The following HPS3 variants were observed in gnomAD, a reference collection of about 807,000 sequenced individuals.
The protein encoded by HPS3 is HPS3 biogenesis of lysosomal organelles complex 2 subunit 1.
In HPS3, 79 loss-of-function variants were observed where a neutral mutation model predicts 110.9. That is an observed-to-expected ratio of 0.71 (90% CI 0.59 to 0.86). The LOEUF (loss-of-function observed/expected upper bound fraction) is 0.86, where lower values mean the gene tolerates loss of function less well. Among genes scored for constraint, HPS3 ranks in the 40% least tolerant of loss-of-function variants. HPS3 has a pLI of 0.00. For missense variants in HPS3, 1,197 were observed against 1,206.2 expected (o/e 0.99, Z 0.11); for synonymous variants, 428 against 451.0 (o/e 0.95, Z 0.65).
chr3:149,134,208 G>A (rs1293212596), intron 1 of HPS3, among the ~76,000 whole-genome samples: 2 of 152,052 alleles, frequency 1.3e-5, no homozygotes, highest in East Asian at 3.9e-4. Context: ...CCTTTCAGCA[G>A]GAATATTCCA....
At position 149,155,185 on chromosome 3, in the gene HPS3, G is replaced by C. The variant is rs34197730; in HGVS notation, c.1479G>C (p.Thr493=). 1 of 1,592,254 alleles carries C rather than the reference G, an allele frequency of 6.3e-7. No individual in the cohort carries two copies. Among genetic ancestry groups the C allele is most frequent in the Non-Finnish European group, 8.6e-7 (1 of 1,160,128 alleles). Residue 493 remains threonine (T), a synonymous_variant, in exon 8 of 17, where the codon ACG becomes ACC. Transcript: ENST00000296051. ...EAGWNLYIVN[T]ISPVQLYKEM... ...GGTGGAATTTGTATATTGTGAATAC[G>C]ATCTCACCAGTGCAGCTGTACAAAG...
At chr3:149,171,917 G>A (rs564541505) in intron 16 of HPS3, among the ~76,000 whole-genome samples, 178 bp from the exon 17 acceptor site, 2 of 152,118 alleles carry the variant, frequency 1.3e-5, no homozygotes, top group Admixed American at 6.5e-5. Flanking sequence ...ATGTTGGCCA[G>A]ACTGGTCTTG....
intron 16 of HPS3, among the ~76,000 whole-genome samples, chr3:149,170,008 T>G (rs954863751): frequency 1.3e-5 from 2 of 152,164 alleles, no homozygotes; most frequent in Admixed American, 1.3e-4. Context: ...TAACCTTCTC[T>G]TAGCCTCAAT....
rs1723999112 is a variant in HPS3 at position 149,162,719 on chromosome 3, T to A, written c.2322T>A (p.Ile774=). ...TTTGTGCTAAGGATGAAGATACAATTCCTCAGCTCTTGGTAGACTTTTGGG... is the reference window on the plus strand; with the variant it reads ...TTTGTGCTAAGGATGAAGATACAATACCTCAGCTCTTGGTAGACTTTTGGG... The part of the protein sequence containing the change: ...KVLCAKDEDT[I]PQLLVDFWEA... The change falls in exon 13 of 17, where the codon ATT becomes ATA. Residue 774 remains isoleucine, a synonymous_variant. Coordinates refer to ENST00000296051, the MANE Select transcript of HPS3 (RefSeq NM_032383.5). The A allele has an allele frequency of 6.2e-7, 1 of 1,614,050 alleles. No homozygotes were observed. Among genetic ancestry groups the A allele is most frequent in the African/African-American group, 1.3e-5 (1 of 75,034 alleles).
At chr3:149,164,358 T>C (rs985464877) in intron 14 of HPS3, among the ~76,000 whole-genome samples, 3 of 152,212 alleles carry the variant, frequency 2.0e-5, no homozygotes, top group South Asian at 2.1e-4. Context: ...ATTTCTCTTA[T>C]AGGAAACAGG....
rs752303581 is a variant in HPS3, at chr3:149,162,329, T to C, written c.2288T>C (p.Phe763Ser). 1 of 1,613,884 alleles carries C rather than the reference T, an allele frequency of 6.2e-7. No homozygotes were observed. The highest frequency in any genetic ancestry group is 8.5e-7 in the Non-Finnish European group (1 of 1,179,810). Residue 763 changes from phenylalanine (F) to serine (S), a missense_variant, in exon 12 of 17, where the codon TTT (phenylalanine) becomes TCT (serine). Transcript: ENST00000296051. ...GGAATTGAAGAAGCAGATTCCTTTT[T>C]TAAGGTTTGTCACTTTGAAAATGTG... ...KIGIEEADSF[F>S]KVLCAKDEDT...
At chr3:149,149,365 TC>T (rs1722971423) in intron 5 of HPS3, among the ~76,000 whole-genome samples, 2 of 152,134 alleles carry the variant, frequency 1.3e-5, no homozygotes, top group Admixed American at 1.3e-4. Context: ...CTTTTTTGCT[TC>T]CCTCTCTCTC....
intron 6 of HPS3, among the ~76,000 whole-genome samples, chr3:149,152,948 C>G (rs567857923): frequency 2.6e-4 from 40 of 152,334 alleles, no homozygotes; most frequent in African/African-American, 8.7e-4. Flanking sequence ...AGGCACTATT[C>G]GTACCTAACA....
chr3:149,169,961 T>C (rs1724812253), intron 16 of HPS3, among the ~76,000 whole-genome samples: 1 of 152,184 alleles, frequency 6.6e-6, no homozygotes, highest in African/African-American at 2.4e-5. Context: ...AACTTGTAGA[T>C]TTAGGTAGCT....
chr3:149,155,246 G>T (rs1331561409), intron 8 of HPS3, 31 bp downstream of exon 8: 2 of 1,163,932 alleles, frequency 1.7e-6, no homozygotes, highest in Non-Finnish European at 2.6e-6. Flanking sequence ...ATTCTTGTTT[G>T]TAGATATTTA....
intron 5 of HPS3, among the ~76,000 whole-genome samples, chr3:149,149,798 T>A (rs1406851470): frequency 6.6e-6 from 1 of 152,108 alleles, no homozygotes; most frequent in Admixed American, 6.5e-5. Flanking sequence ...CTAAGTTAAT[T>A]AACTGTTTTT....
chr3:149,173,647 C>T lies in HPS3; in HGVS notation c.*1425C>T. The T allele has an allele frequency of 9.6e-7, 1 of 1,036,802 alleles. No individual in the cohort carries two copies. Among genetic ancestry groups the T allele is most frequent in the South Asian group, 1.4e-5 (1 of 69,398 alleles). 64.2% of individuals were successfully genotyped at this position (1,036,802 alleles called of 1,614,324 possible). ...TTCCAAAGTAACATTCTATTTTACA[C>T]TTTCACATACATTGTTATGAATCAT... On this transcript the variant is annotated 3_prime_UTR_variant, in exon 17 of 17. Transcript: ENST00000296051.
chr3:149,161,972 ACAGT>A (rs1378531790), intron 11 of HPS3, among the ~76,000 whole-genome samples, 172 bp from the exon 12 acceptor site: 1 of 152,222 alleles, frequency 6.6e-6, no homozygotes, highest in Non-Finnish European at 1.5e-5. Context: ...CTTCTGTAAG[ACAGT>A]CAGTGGTGTC....
Position 149,157,529 on chromosome 3 carries a change from C to T in HPS3, c.1689C>T (p.Ser563=). 6.2e-7 allele frequency: 1 copy of T among 1,613,484 alleles called. No individual in the cohort carries two copies. Among genetic ancestry groups the T allele is most frequent in the Non-Finnish European group, 8.5e-7 (1 of 1,179,572 alleles). ...GTGGGCACCTTGGGGACTGTTACAGCAGGTGGGTGACACCTCTTGGAACCT... is the reference window on the plus strand; with the variant it reads ...GTGGGCACCTTGGGGACTGTTACAGTAGGTGGGTGACACCTCTTGGAACCT... ...ESCGHLGDCY[S]RLDSQHSHLT... Residue 563 remains serine, a splice_region_variant and synonymous_variant, in exon 9 of 17, where the codon AGC becomes AGT. Transcript: ENST00000296051.
chr3:149,140,255 G>A lies in HPS3; in HGVS notation c.469G>A (p.Val157Ile). Residue 157 changes from valine to isoleucine, a missense_variant, in exon 2 of 17, where the codon GTC becomes ATC. Val to Ile is a conservative substitution (Grantham distance 29). Coordinates refer to ENST00000296051, the MANE Select transcript of HPS3 (RefSeq NM_032383.5). ...DLLVGCTNKLVLFSLKYQIIN... is the reference protein window; with the variant it reads ...DLLVGCTNKLILFSLKYQIIN... ...TCTCGTTGGCTGCACAAATAAATTA[G>A]TCTTATTTAGTTTGAAGTACCAGAT... 5 of 1,614,110 alleles carry A rather than the reference G, an allele frequency of 3.1e-6. No homozygotes were observed. Among genetic ancestry groups the A allele is most frequent in the Non-Finnish European group, 4.2e-6 (5 of 1,180,018 alleles).
intron 6 of HPS3, among the ~76,000 whole-genome samples, chr3:149,153,271 G>A (rs773647891): frequency 1.3e-5 from 2 of 152,164 alleles, no homozygotes; most frequent in Non-Finnish European, 2.9e-5. Context: ...TGTTGGCTGA[G>A]TAGCTCTATG....
At chr3:149,155,618 C>T (rs1382033834) in intron 8 of HPS3, among the ~76,000 whole-genome samples, 1 of 152,162 alleles carries the variant, frequency 6.6e-6, no homozygotes, top group Non-Finnish European at 1.5e-5. Flanking sequence ...TGTCCCAGGG[C>T]ACCACAGCTA....
Position 149,155,103 on chromosome 3 carries a change from T to C in HPS3, c.1401-4T>C, listed in dbSNP as rs998545854. The C allele has an allele frequency of 6.5e-7, 1 of 1,533,256 alleles. No individual in the cohort carries two copies. Among genetic ancestry groups the C allele is most frequent in the Admixed American group, 1.7e-5 (1 of 59,930 alleles). The allele number at this position is 1,533,256 out of a possible 1,614,324, so 95.0% of individuals were successfully genotyped here. On this transcript the variant is annotated splice_polypyrimidine_tract_variant and splice_region_variant and intron_variant, in intron 7 of 16. Transcript: ENST00000296051. ...AAAATTCTTGTCCTTTGTTTTGCTT[T>C]TAGTTCGAGAAAAGATACCAGTGTT...
At chr3:149,165,447 T>C (rs1323513945) in intron 14 of HPS3, among the ~76,000 whole-genome samples, 2 of 151,998 alleles carry the variant, frequency 1.3e-5, no homozygotes. Flanking sequence ...AAATCTTTGC[T>C]GTTGAAGGAG....
Sources: allele counts gnomAD v4.1 joint callset (sites outside exome capture counted in the v4.1 genomes callset), GRCh38; gene constraint gnomAD v4.1.1; transcripts MANE v1.5; gene names NCBI Gene and HGNC (gene_info 2026-07-23, HGNC 2026-07-21).